KLHL32: variants seen among roughly 807,000 people sequenced by gnomAD.
The protein encoded by KLHL32 is kelch-like protein 32.
In KLHL32, 35 loss-of-function variants were observed where a neutral mutation model predicts 64.8. The observed-to-expected ratio is 0.54, with a 90% confidence interval of 0.41 to 0.72. The LOEUF (loss-of-function observed/expected upper bound fraction) is 0.72, where lower values mean the gene tolerates loss of function less well. Ranked by LOEUF, KLHL32 falls within the 30% of genes least tolerant of loss-of-function variation. KLHL32 has a pLI of 0.00. For synonymous variants in KLHL32, 259 were observed against 281.0 expected, an observed-to-expected ratio of 0.92 and a Z score of 0.78; for missense variants, 589 against 768.5, an observed-to-expected ratio of 0.77 and a Z score of 2.76.
chr6:97,031,282 CT>C (rs1186539699), intron 3 of KLHL32, among the ~76,000 whole-genome samples: 3 of 152,020 alleles, frequency 2.0e-5, no homozygotes, highest in African/African-American at 7.2e-5. Flanking sequence ...AATAGTTCCC[CT>C]TTTTTAATCT....
At chr6:96,908,285 T>G in the KLHL32 span, among the ~76,000 whole-genome samples, 1 of 152,184 alleles carries the variant, frequency 6.6e-6, no homozygotes, top group Admixed American at 6.5e-5. Flanking sequence ...TGATGTTAAT[T>G]AACATCAAGA....
At chr6:97,041,627 T>A in intron 4 of KLHL32, 28 bp downstream of exon 4, 1 of 1,354,282 alleles carries the variant, frequency 7.4e-7, no homozygotes, top group Non-Finnish European at 1.1e-6. Context: ...ATCTGTAAAG[T>A]TTAACATTTC....
At chr6:97,093,497 A>G (rs1231333940) in intron 6 of KLHL32, among the ~76,000 whole-genome samples, 1 of 152,222 alleles carries the variant, frequency 6.6e-6, no homozygotes, top group Non-Finnish European at 1.5e-5. Flanking sequence ...TCTTTAAGAA[A>G]ACAGAAACTC....
rs141902371 is a variant in KLHL32, at chr6:97,019,557, G to A, written c.205-21935G>A. On this transcript the variant is annotated intron_variant, in intron 3 of 10. Transcript: ENST00000369261. ...AGCTGAGTCAATCCCTGAAAAGGCT[G>A]GCAGGTGAAGTCGGTCTGCCCACAG... 1.2e-3 allele frequency among the ~76,000 whole-genome samples: 178 copies of A among 152,332 alleles called. 3 individuals are homozygous for A. The highest frequency in any genetic ancestry group is 0.011 in the Admixed American group (171 of 15,306).
At chr6:96,988,022 C>T (rs1318753535) in intron 3 of KLHL32, among the ~76,000 whole-genome samples, 4 of 152,222 alleles carry the variant, frequency 2.6e-5, no homozygotes, top group African/African-American at 9.6e-5. Context: ...TTAGGCAATA[C>T]CATTCAGGAC....
intron 5 of KLHL32, among the ~76,000 whole-genome samples, chr6:97,078,186 T>C (rs1360070194): frequency 6.6e-6 from 1 of 152,180 alleles, no homozygotes; most frequent in Admixed American, 6.5e-5. Context: ...TTGGGAGTGG[T>C]TTTAAAAAGA....
At chr6:96,959,654 C>T (rs1338338250) in intron 1 of KLHL32, among the ~76,000 whole-genome samples, 1 of 152,188 alleles carries the variant, frequency 6.6e-6, no homozygotes, top group Non-Finnish European at 1.5e-5. Flanking sequence ...TTGGAAGCTT[C>T]AAGACATGAA....
intron 3 of KLHL32, among the ~76,000 whole-genome samples, chr6:96,982,891 G>T (rs1257277728): frequency 6.6e-6 from 1 of 152,234 alleles, no homozygotes; most frequent in Non-Finnish European, 1.5e-5. Context: ...CTGCCTGATT[G>T]CCCTGGCCAC....
intron 1 of KLHL32, among the ~76,000 whole-genome samples, chr6:96,931,163 G>A (rs1047746078): frequency 6.6e-6 from 1 of 152,134 alleles, no homozygotes; most frequent in Admixed American, 6.6e-5. Flanking sequence ...AGTCAGATAG[G>A]ATTAAAATCT....
chr6:96,981,045 T>A (rs1292601936), intron 3 of KLHL32, among the ~76,000 whole-genome samples: 1 of 152,052 alleles, frequency 6.6e-6, no homozygotes, highest in African/African-American at 2.4e-5. Context: ...CATAAAACCC[T>A]TAGATCTCAT....
chr6:97,011,642 G>A (rs758583124), intron 3 of KLHL32, among the ~76,000 whole-genome samples: 24 of 152,172 alleles, frequency 1.6e-4, no homozygotes, highest in Non-Finnish European at 3.1e-4. Context: ...TACATATTCA[G>A]AGTGATCATT....
At chr6:96,983,523 G>A (rs1475596085) in intron 3 of KLHL32, among the ~76,000 whole-genome samples, 1 of 152,296 alleles carries the variant, frequency 6.6e-6, no homozygotes, top group Non-Finnish European at 1.5e-5. Flanking sequence ...ACTTTATTTG[G>A]TTGGTAAGCT....
chr6:97,067,347 C>A (rs1402670227), intron 5 of KLHL32, among the ~76,000 whole-genome samples: 1 of 152,214 alleles, frequency 6.6e-6, no homozygotes, highest in Non-Finnish European at 1.5e-5. Context: ...ATGAGGACAG[C>A]TATTTAATTA....
the KLHL32 span, among the ~76,000 whole-genome samples, chr6:96,898,186 T>C: frequency 3.9e-5 from 6 of 152,346 alleles, no homozygotes; most frequent in African/African-American, 1.4e-4. Context: ...AGGCCCAGCA[T>C]TGGATAAGAC....
At chr6:97,059,798 G>A (rs558556478) in intron 4 of KLHL32, among the ~76,000 whole-genome samples, 1 of 152,134 alleles carries the variant, frequency 6.6e-6, no homozygotes, top group South Asian at 2.1e-4. Flanking sequence ...TATGTGTGTT[G>A]AATATATGAT....
intron 1 of KLHL32, among the ~76,000 whole-genome samples, chr6:96,957,632 A>C (rs1582474988): frequency 6.6e-6 from 1 of 152,196 alleles, no homozygotes; most frequent in African/African-American, 2.4e-5. Flanking sequence ...TTATTTTGAC[A>C]AGACTGTGTA....
At chr6:96,993,937 G>C (rs1582629773) in intron 3 of KLHL32, among the ~76,000 whole-genome samples, 1 of 152,074 alleles carries the variant, frequency 6.6e-6, no homozygotes, top group South Asian at 2.1e-4. Flanking sequence ...TCTGGAGAGA[G>C]ACATTATTAT....
chr6:96,967,499 T>TGA (rs373488464), intron 2 of KLHL32, among the ~76,000 whole-genome samples: 27,544 of 146,406 alleles, frequency 0.19, 3,020 homozygotes, highest in Non-Finnish European at 0.27. Context: ...GGATAGAGAA[T>TGA]GAGAGAGAGA....
intron 2 of KLHL32, among the ~76,000 whole-genome samples, chr6:96,971,863 T>C (rs527876952): frequency 3.3e-5 from 5 of 152,292 alleles, no homozygotes; most frequent in Middle Eastern, 6.8e-3. Flanking sequence ...ATTTTTTTTC[T>C]GTTGTTGAGA....
Sources: allele counts gnomAD v4.1 joint callset (sites outside exome capture counted in the v4.1 genomes callset), GRCh38; gene constraint gnomAD v4.1.1; transcripts MANE v1.5; gene names NCBI Gene and HGNC (gene_info 2026-07-23, HGNC 2026-07-21).